Variants in ACYP2 observed in about 807,000 individuals in gnomAD.
ACYP2 encodes the protein acylphosphatase-2.
In ACYP2, 12 loss-of-function variants were observed where a neutral mutation model predicts 11.2. The ratio of observed to expected loss-of-function variants is 1.08; its 90% confidence interval spans 0.69 to 1.74. The LOEUF is 1.74. Ranked by LOEUF, ACYP2 falls within the 40% of genes most tolerant of loss-of-function variation. The pLI, the probability that ACYP2 is intolerant of heterozygous loss-of-function variation, is 0.00. For synonymous variants in ACYP2, 43 were observed against 32.2 expected, an observed-to-expected ratio of 1.33 and a Z score of -1.13; for missense variants, 134 against 101.9, an observed-to-expected ratio of 1.31 and a Z score of -1.35.
At chr2:54,280,235 T>C (rs988422785) in intron 6 of ACYP2, among the ~76,000 whole-genome samples, 11 of 152,100 alleles carry the variant, frequency 7.2e-5, no homozygotes, top group Non-Finnish European at 1.6e-4. Flanking sequence ...GAGAGAGATA[T>C]GAAAGATTAT....
intron 6 of ACYP2, among the ~76,000 whole-genome samples, chr2:54,279,605 C>T (rs1006627338): frequency 9.6e-6 from 1 of 104,674 alleles, no homozygotes; most frequent in South Asian, 3.1e-4. Flanking sequence ...GTCTCAAGAG[C>T]TGCAGTCTCT....
chr2:54,081,663 A>T (rs554059481), intron 4 of ACYP2, among the ~76,000 whole-genome samples: 1 of 152,216 alleles, frequency 6.6e-6, no homozygotes, highest in Admixed American at 6.5e-5. Flanking sequence ...TCACAATGTT[A>T]ACTGATGCAT....
At chr2:54,177,484 C>T (rs1212996738) in intron 6 of ACYP2, among the ~76,000 whole-genome samples, 1 of 152,128 alleles carries the variant, frequency 6.6e-6, no homozygotes, top group Non-Finnish European at 1.5e-5. Flanking sequence ...GGTTTCTTAT[C>T]CTTGCCCACA....
intron 6 of ACYP2, among the ~76,000 whole-genome samples, chr2:54,210,382 TATA>T (rs1236843541): frequency 2.0e-5 from 3 of 151,922 alleles, no homozygotes; most frequent in Non-Finnish European, 4.4e-5. Context: ...TATACAAACA[TATA>T]ATTTTTGTGC....
At chr2:54,167,629 G>A (rs984370857) in intron 6 of ACYP2, among the ~76,000 whole-genome samples, 3 of 152,064 alleles carry the variant, frequency 2.0e-5, no homozygotes, top group Admixed American at 6.6e-5. Context: ...ATGAAAGAAC[G>A]TTAAGGAATT....
chr2:54,272,917 A>T (rs1688375187), intron 6 of ACYP2, among the ~76,000 whole-genome samples: 1 of 152,234 alleles, frequency 6.6e-6, no homozygotes, highest in East Asian at 1.9e-4. Flanking sequence ...TCAAATGTGG[A>T]AGCTTCTATA....
intron 6 of ACYP2, among the ~76,000 whole-genome samples, chr2:54,164,171 G>GT (rs1349750194): frequency 1.3e-5 from 2 of 152,174 alleles, no homozygotes; most frequent in African/African-American, 4.8e-5. Context: ...GAGAGGGAAG[G>GT]TGGGGGAATG....
At chr2:54,144,440 C>T (rs1471987991) in intron 6 of ACYP2, among the ~76,000 whole-genome samples, 1 of 152,064 alleles carries the variant, frequency 6.6e-6, no homozygotes, top group Non-Finnish European at 1.5e-5. Flanking sequence ...CTCTGGGAGG[C>T]TGAGGTGGGC....
At chr2:54,110,843 C>T (rs1010411409) in intron 4 of ACYP2, among the ~76,000 whole-genome samples, 71 of 152,028 alleles carry the variant, frequency 4.7e-4, no homozygotes, top group East Asian at 5.8e-4. Flanking sequence ...TAGAAAGACA[C>T]GTTGACCGAT....
intron 4 of ACYP2, among the ~76,000 whole-genome samples, chr2:54,097,251 C>T (rs1401701729): frequency 6.6e-6 from 1 of 152,222 alleles, no homozygotes; most frequent in African/African-American, 2.4e-5. Flanking sequence ...CCCACTTCTA[C>T]ATATTATAAC....
At chr2:54,067,606 C>A (rs1158323086) in intron 4 of ACYP2, among the ~76,000 whole-genome samples, 1 of 152,176 alleles carries the variant, frequency 6.6e-6, no homozygotes, top group Admixed American at 6.5e-5. Context: ...ATTCCTAGAA[C>A]TCAGTCTAGC....
At chr2:54,182,571 C>T (rs1433140723) in intron 6 of ACYP2, among the ~76,000 whole-genome samples, 2 of 152,022 alleles carry the variant, frequency 1.3e-5, no homozygotes, top group Non-Finnish European at 2.9e-5. Flanking sequence ...CTCCTGGGCT[C>T]AAGCAGTCCT....
At chr2:54,248,578 T>G (rs1260459336) in intron 6 of ACYP2, among the ~76,000 whole-genome samples, 3 of 151,930 alleles carry the variant, frequency 2.0e-5, no homozygotes, top group Non-Finnish European at 2.9e-5. Context: ...GTAGGGAAAA[T>G]TTCCCTCTTA....
chr2:54,037,078 A>G (rs907471734), intron 2 of ACYP2, among the ~76,000 whole-genome samples: 1 of 152,236 alleles, frequency 6.6e-6, no homozygotes, highest in Non-Finnish European at 1.5e-5. Flanking sequence ...AATGTAGAGA[A>G]AAACTCCTTT....
At chr2:54,219,585 T>TA (rs1395674239) in intron 6 of ACYP2, among the ~76,000 whole-genome samples, 1 of 152,148 alleles carries the variant, frequency 6.6e-6, no homozygotes, top group East Asian at 1.9e-4. Context: ...TCACTAATGT[T>TA]ATATCTCCTA....
Position 54,283,885 on chromosome 2 carries a change from C to T in ACYP2, c.405-20803C>T, listed in dbSNP as rs141431825. Among the ~76,000 whole-genome samples the T allele has an allele frequency of 8.3e-3, 1,259 of 152,298 alleles. 6 individuals carry two copies. Among genetic ancestry groups the T allele is most frequent in the Non-Finnish European group, 0.014 (963 of 68,024 alleles). On this transcript the variant is annotated intron_variant, in intron 6 of 6. Transcript: ENST00000607452. The stretch of plus-strand genomic sequence containing the variant: ...ATCCCAGCACTTTGGGAGGCCAAGG[C>T]GAGTGGATCACCTGAAGTCAGGAGT...
At chr2:53,975,237 A>AG in intron 2 of ACYP2, 1 of 398,030 alleles carries the variant, frequency 2.5e-6, no homozygotes, top group East Asian at 3.6e-5. Flanking sequence ...AAAAAAAAAA[A>AG]AAATTCAGAG....
intron 4 of ACYP2, among the ~76,000 whole-genome samples, chr2:54,132,273 T>C (rs909897424): frequency 6.6e-6 from 1 of 152,176 alleles, no homozygotes; most frequent in Non-Finnish European, 1.5e-5. Flanking sequence ...AATTTTCTGC[T>C]AATTCCTTTT....
chr2:54,122,118 A>G (rs563376552), intron 4 of ACYP2, among the ~76,000 whole-genome samples: 121 of 152,378 alleles, frequency 7.9e-4, no homozygotes, highest in African/African-American at 2.4e-3. Flanking sequence ...GCTGCTTTGT[A>G]AGGCAGCATA....
Sources: gnomAD v4.1 joint callset for allele counts (sites outside exome capture counted in the v4.1 genomes callset) on GRCh38, gnomAD v4.1.1 for gene constraint, MANE v1.5 for transcripts, NCBI Gene and HGNC (gene_info 2026-07-23, HGNC 2026-07-21) for gene names.